Variants in RIMS2 observed in about 807,000 individuals in gnomAD.
The protein encoded by RIMS2 is regulating synaptic membrane exocytosis 2.
In RIMS2, 59 loss-of-function variants were observed where a neutral mutation model predicts 174.4. That is an observed-to-expected ratio of 0.34 (90% CI 0.27 to 0.42). The LOEUF (loss-of-function observed/expected upper bound fraction) is 0.42, where lower values mean the gene tolerates loss of function less well. Among genes scored for constraint, RIMS2 ranks in the 10% least tolerant of loss-of-function variants. The pLI is 1.00. For synonymous variants in RIMS2, 606 were observed against 572.5 expected (o/e 1.06, Z -0.84); for missense variants, 1,620 against 1,666.3 (o/e 0.97, Z 0.48).
At chr8:104,114,217 C>A (rs1356164877) in intron 19 of RIMS2, among the ~76,000 whole-genome samples, 3 of 151,944 alleles carry the variant, frequency 2.0e-5, no homozygotes, top group Non-Finnish European at 4.4e-5. Flanking sequence ...AAAAACAACA[C>A]CTAAGAGAAA....
chr8:103,753,874 C>G (rs1011896431), intron 2 of RIMS2, among the ~76,000 whole-genome samples: 1 of 151,982 alleles, frequency 6.6e-6, no homozygotes, highest in Non-Finnish European at 1.5e-5. Flanking sequence ...CTTTTAAAAA[C>G]ACCAGCTCCT....
chr8:103,766,979 A>G (rs1488305581), intron 3 of RIMS2, among the ~76,000 whole-genome samples: 1 of 152,178 alleles, frequency 6.6e-6, no homozygotes, highest in Admixed American at 6.5e-5. Flanking sequence ...GTGGGTTTTC[A>G]AGCAAGTATA....
rs552585300 is a variant in RIMS2 at position 103,595,494 on chromosome 8, A to G, written c.176+94432A>G. Among the ~76,000 whole-genome samples, 479 of 151,892 alleles carry G rather than the reference A, an allele frequency of 3.2e-3. 1 individual carries two copies. Among genetic ancestry groups the G allele is most frequent in the Non-Finnish European group, 4.5e-3 (305 of 67,818 alleles). The stretch of plus-strand genomic sequence containing the variant: ...CCTGATATCTGAACTTGGCAGAGGG[A>G]AGTAAGAAGAGTTAAGATTTAGAAA... On this transcript the variant is annotated intron_variant, in intron 1 of 23. Coordinates refer to ENST00000504942, the Ensembl canonical transcript of RIMS2.
At chr8:104,239,826 G>T (rs1267569462) in intron 19 of RIMS2, among the ~76,000 whole-genome samples, 4 of 152,144 alleles carry the variant, frequency 2.6e-5, no homozygotes, top group African/African-American at 7.2e-5. Context: ...GTTTGGCTGG[G>T]TTTTTTCTCT....
At chr8:103,528,710 AG>A (rs1299445967) in intron 1 of RIMS2, among the ~76,000 whole-genome samples, 1 of 152,000 alleles carries the variant, frequency 6.6e-6, no homozygotes, top group East Asian at 1.9e-4. Context: ...GTGGATGTGT[AG>A]TATTATTTCT....
chr8:104,211,203 AAG>A (rs2099103815), intron 19 of RIMS2, among the ~76,000 whole-genome samples: 1 of 152,180 alleles, frequency 6.6e-6, no homozygotes, highest in Admixed American at 6.5e-5. Context: ...TAGGGGTGGG[AAG>A]AGAATAAAAT....
At chr8:104,193,563 C>G (rs1449729929) in intron 19 of RIMS2, among the ~76,000 whole-genome samples, 1 of 152,196 alleles carries the variant, frequency 6.6e-6, no homozygotes, top group East Asian at 1.9e-4. Context: ...ATCTACCTTC[C>G]TACCGGCAGT....
chr8:103,987,202 G>T (rs946773579), intron 16 of RIMS2, among the ~76,000 whole-genome samples: 13 of 151,370 alleles, frequency 8.6e-5, no homozygotes, highest in African/African-American at 3.2e-4. Context: ...ATGTTGCCCA[G>T]GCTAGACTCG....
intron 1 of RIMS2, among the ~76,000 whole-genome samples, chr8:103,687,290 C>G (rs1319185100): frequency 1.3e-5 from 2 of 151,528 alleles, no homozygotes; most frequent in African/African-American, 4.8e-5. Flanking sequence ...CTGTTGTAAT[C>G]TCTGTCATTC....
chr8:104,224,734 G>T (rs1392667416), intron 19 of RIMS2, among the ~76,000 whole-genome samples: 1 of 152,102 alleles, frequency 6.6e-6, no homozygotes, highest in South Asian at 2.1e-4. Flanking sequence ...TGATTTAAAA[G>T]AAATTGCCCG....
intron 1 of RIMS2, among the ~76,000 whole-genome samples, chr8:103,603,038 GCA>G (rs1159205837): frequency 1.3e-5 from 2 of 151,182 alleles, no homozygotes; most frequent in Non-Finnish European, 3.0e-5. Flanking sequence ...GGGTACATGT[GCA>G]CATTGTGCAG....
Position 104,009,988 on chromosome 8 carries a change from A to ATG in RIMS2, c.3045-3454_3045-3453insTG, listed in dbSNP as rs1565826945. On this transcript the variant is annotated intron_variant, in intron 17 of 23. Coordinates refer to ENST00000504942, the Ensembl canonical transcript of RIMS2. The stretch of plus-strand genomic sequence containing the variant: ...ATCATTGTGAAAGATATGGATGGAT[A>ATG]GATGGATGGATGGATGGATGGATGG... Among the ~76,000 whole-genome samples the ATG allele has an allele frequency of 3.3e-3, 212 of 64,546 alleles. 2 individuals are homozygous for ATG. The highest frequency in any genetic ancestry group is 0.015 in the Middle Eastern group (1 of 66). 42.3% of individuals were successfully genotyped at this position (64,546 alleles called of 152,430 possible). A position where few individuals can be genotyped will look rare whatever the true frequency, so the allele number is the denominator to read the frequency against.
At chr8:103,859,802 C>G (rs1311504401) in intron 3 of RIMS2, among the ~76,000 whole-genome samples, 2 of 151,996 alleles carry the variant, frequency 1.3e-5, no homozygotes, top group East Asian at 3.9e-4. Context: ...AGTCCAGGGT[C>G]CAACATCTTG....
intron 16 of RIMS2, among the ~76,000 whole-genome samples, chr8:103,981,853 T>TA (rs950869553): frequency 1.3e-5 from 2 of 151,454 alleles, no homozygotes; most frequent in African/African-American, 4.9e-5. Context: ...GAAAAACAAA[T>TA]AAAAAACAGT....
intron 19 of RIMS2, among the ~76,000 whole-genome samples, chr8:104,240,753 G>A (rs1188738404): frequency 6.6e-6 from 1 of 152,138 alleles, no homozygotes; most frequent in Non-Finnish European, 1.5e-5. Context: ...ATGACTCAGA[G>A]AGGACAATAG....
intron 19 of RIMS2, among the ~76,000 whole-genome samples, chr8:104,228,024 CTTTTT>C (rs1004772231): frequency 2.2e-5 from 3 of 133,574 alleles, no homozygotes; most frequent in Admixed American, 1.5e-4. Flanking sequence ...TGTTTCTTTT[CTTTTT>C]TTTTTTTTTT....
At position 103,628,559 on chromosome 8, in the gene RIMS2, G is replaced by A. The variant is rs1472802667; in HGVS notation, c.177-68527G>A. On this transcript the variant is annotated intron_variant, in intron 1 of 23. Coordinates refer to ENST00000504942, the Ensembl canonical transcript of RIMS2. ...AGAAGAGACGGGGTTTCTCCATGTT[G>A]GTCAGGCTGGTCTCGAACTCCTGAC... Among the ~76,000 whole-genome samples the A allele has an allele frequency of 4.0e-5, 6 of 151,854 alleles. No homozygotes were observed. In the East Asian group the frequency reaches 1.2e-3, roughly 30 times the overall value.
At chr8:103,739,436 A>G (rs1169318917) in intron 2 of RIMS2, among the ~76,000 whole-genome samples, 2 of 152,220 alleles carry the variant, frequency 1.3e-5, no homozygotes, top group Non-Finnish European at 2.9e-5. Context: ...GTAAATGACG[A>G]GTTAATGGGT....
intron 1 of RIMS2, among the ~76,000 whole-genome samples, chr8:103,624,325 C>T (rs1452446758): frequency 6.6e-6 from 1 of 152,168 alleles, no homozygotes; most frequent in Non-Finnish European, 1.5e-5. Flanking sequence ...TTGCTGGCTG[C>T]CTGCCTGCTT....
Sources: allele counts gnomAD v4.1 joint callset (sites outside exome capture counted in the v4.1 genomes callset), GRCh38; gene constraint gnomAD v4.1.1; transcripts MANE v1.5; gene names NCBI Gene and HGNC (gene_info 2026-07-23, HGNC 2026-07-21).